CWF19L2: variants seen among roughly 807,000 people sequenced by gnomAD.
The protein encoded by CWF19L2 is CWF19 like cell cycle control factor 2.
A neutral mutation model predicts 111.7 loss-of-function variants in CWF19L2; 98 were observed. The observed-to-expected ratio is 0.88, with a 90% CI of 0.75 to 1.04. The LOEUF (loss-of-function observed/expected upper bound fraction) is 1.04, where lower values mean the gene tolerates loss of function less well. Ranked by LOEUF, CWF19L2 falls within the 50% of genes least tolerant of loss-of-function variation. The pLI, the probability that CWF19L2 is intolerant of heterozygous loss-of-function variation, is 0.00. For synonymous variants in CWF19L2, 351 were observed against 342.9 expected (o/e 1.02, Z -0.26); for missense variants, 1,101 against 1,051.4 (o/e 1.05, Z -0.65).
intron 3 of CWF19L2, among the ~76,000 whole-genome samples, chr11:107,449,280 A>C (rs1415024207): frequency 6.6e-6 from 1 of 152,122 alleles, no homozygotes; most frequent in Non-Finnish European, 1.5e-5. Context: ...GAAATTTTCA[A>C]ACAAAAGCTG....
intron 9 of CWF19L2, among the ~76,000 whole-genome samples, chr11:107,417,966 G>T (rs1400025525): frequency 1.3e-5 from 2 of 152,036 alleles, no homozygotes; most frequent in African/African-American, 4.8e-5. Flanking sequence ...CACCATTTTG[G>T]CCAGGCTGGT....
intron 8 of CWF19L2, among the ~76,000 whole-genome samples, 178 bp from the exon 9 acceptor site, chr11:107,418,465 TG>T (rs1213262107): frequency 1.3e-5 from 2 of 152,234 alleles, no homozygotes; most frequent in Non-Finnish European, 2.9e-5. Flanking sequence ...TAAAGTTCTC[TG>T]TTACAATGCC....
chr11:107,386,653 C>A (rs1436441239), intron 12 of CWF19L2, among the ~76,000 whole-genome samples: 1 of 152,198 alleles, frequency 6.6e-6, no homozygotes, highest in Admixed American at 6.5e-5. Context: ...GCCTCACTGG[C>A]TGCACTTCTT....
chr11:107,381,474 C>T (rs1000343533), intron 12 of CWF19L2, among the ~76,000 whole-genome samples: 7 of 152,088 alleles, frequency 4.6e-5, no homozygotes, highest in Admixed American at 1.3e-4. Context: ...CAAAATATCA[C>T]GTTATTATTT....
At chr11:107,446,024 A>G (rs1469305567) in intron 3 of CWF19L2, among the ~76,000 whole-genome samples, 1 of 152,234 alleles carries the variant, frequency 6.6e-6, no homozygotes, top group Non-Finnish European at 1.5e-5. Flanking sequence ...GGATGATGGA[A>G]AAGCAAGACA....
chr11:107,359,383 T>A (rs902603657), intron 12 of CWF19L2, among the ~76,000 whole-genome samples: 3 of 152,180 alleles, frequency 2.0e-5, no homozygotes, highest in Admixed American at 6.5e-5. Flanking sequence ...GAAGATGTAA[T>A]TACAAGTACC....
At chr11:107,327,768 T>A (rs1249176402) in intron 17 of CWF19L2, among the ~76,000 whole-genome samples, 1 of 152,080 alleles carries the variant, frequency 6.6e-6, no homozygotes, top group East Asian at 1.9e-4. Context: ...AGCCTCCTAA[T>A]GCTTAAATGC....
chr11:107,336,654 C>A lies in CWF19L2; in HGVS notation c.2262G>T (p.Leu754Phe). ...GTTTCTTCATGCTCATATTAGTTTC[C>A]AAAAAAATGCAGTCTAATCCTTTAT... ...FEDKGLDCIF[L>F]ETNMSMKKQY... The change falls in exon 15 of 18, where the codon TTG (leucine) becomes TTT (phenylalanine). Residue 754 changes from leucine to phenylalanine, a missense_variant. Transcript: ENST00000282251. 6.3e-7 allele frequency: 1 copy of A among 1,582,828 alleles called. No homozygotes were observed. The highest frequency in any genetic ancestry group is 1.4e-5 in the African/African-American group (1 of 73,314).
Position 107,454,510 on chromosome 11 carries a change from CTT to C in CWF19L2, c.277_278del (p.Lys93GlufsTer10). ...DKHSKKAKKE[K>X]KKKSKKQKYE... ...ATTTCTGTTTCTTGCTCTTTTTTTT[CTT>C]TTCTTTCTTTGCTTTTTTTGAATGC... On this transcript the variant is annotated frameshift_variant, in exon 3 of 18. Transcript: ENST00000282251. LOFTEE classifies it high-confidence loss of function. 6.8e-7 allele frequency: 1 copy of C among 1,463,888 alleles called. No homozygotes were observed. The highest frequency in any genetic ancestry group is 9.0e-7 in the Non-Finnish European group (1 of 1,111,444). The allele number at this position is 1,463,888 out of a possible 1,614,324, so 90.7% of individuals were successfully genotyped here. A position where few individuals can be genotyped will look rare whatever the true frequency, so the allele number is the denominator to read the frequency against.
chr11:107,423,733 TCTC>T (rs958240002), intron 8 of CWF19L2, among the ~76,000 whole-genome samples: 3 of 151,746 alleles, frequency 2.0e-5, no homozygotes, highest in African/African-American at 7.3e-5. Flanking sequence ...CCACACATAA[TCTC>T]CTATTGAGCT....
chr11:107,385,610 C>T (rs562365812), intron 12 of CWF19L2, among the ~76,000 whole-genome samples: 1 of 152,318 alleles, frequency 6.6e-6, no homozygotes, highest in East Asian at 1.9e-4. Context: ...CCCCCCTTTA[C>T]CTGTGGTTTT....
intron 12 of CWF19L2, among the ~76,000 whole-genome samples, chr11:107,361,102 T>C (rs1440292641): frequency 6.6e-6 from 1 of 152,220 alleles, no homozygotes; most frequent in Non-Finnish European, 1.5e-5. Flanking sequence ...TGTAAGTCTT[T>C]AATCCATCTT....
At chr11:107,350,727 T>C (rs1446263552) in intron 13 of CWF19L2, among the ~76,000 whole-genome samples, 1 of 152,014 alleles carries the variant, frequency 6.6e-6, no homozygotes, top group Non-Finnish European at 1.5e-5. Context: ...CAGATGGTGA[T>C]AAGGGGTACT....
intron 12 of CWF19L2, among the ~76,000 whole-genome samples, chr11:107,381,473 A>T (rs554783828): frequency 6.6e-6 from 1 of 152,290 alleles, no homozygotes; most frequent in South Asian, 2.1e-4. Context: ...GCAAAATATC[A>T]CGTTATTATT....
chr11:107,396,113 T>C (rs956959367), intron 10 of CWF19L2, among the ~76,000 whole-genome samples: 2 of 152,214 alleles, frequency 1.3e-5, no homozygotes, highest in African/African-American at 4.8e-5. Flanking sequence ...TCTAACCACC[T>C]ACATGGCATT....
At position 107,429,192 on chromosome 11, in the gene CWF19L2, C is replaced by G. The variant is rs760365007; in HGVS notation, c.1040G>C (p.Cys347Ser). Residue 347 changes from cysteine to serine, a missense_variant, in exon 8 of 18, where the codon TGT (cysteine) becomes TCT (serine). Coordinates refer to ENST00000282251, the MANE Select transcript of CWF19L2 (RefSeq NM_152434.3). ...TTGCCTTGGGTTAGATTCTCTTCTA[C>G]ACGTTTCTAAAGACCCAGGTCTCTT... Reference protein sequence around the residue: ...KDKRPGSLETCRRESNPRQNQ... With the variant: ...KDKRPGSLETSRRESNPRQNQ... 5 of 1,613,800 alleles carry G rather than the reference C, an allele frequency of 3.1e-6. No individual in the cohort carries two copies. In the Admixed American group the frequency reaches 8.3e-5, roughly 27 times the overall value.
At chr11:107,390,839 G>C (rs1860836622) in intron 11 of CWF19L2, among the ~76,000 whole-genome samples, 2 of 152,134 alleles carry the variant, frequency 1.3e-5, no homozygotes, top group African/African-American at 4.8e-5. Context: ...GTTGCTAAAG[G>C]AGATTAACAT....
intron 3 of CWF19L2, among the ~76,000 whole-genome samples, chr11:107,443,250 G>A (rs1349989766): frequency 6.6e-6 from 1 of 152,152 alleles, no homozygotes; most frequent in Non-Finnish European, 1.5e-5. Flanking sequence ...GGAGGCTGAG[G>A]CAGGCATATT....
intron 12 of CWF19L2, among the ~76,000 whole-genome samples, chr11:107,382,775 C>G (rs1565262073): frequency 6.6e-6 from 1 of 152,236 alleles, no homozygotes; most frequent in East Asian, 1.9e-4. Flanking sequence ...AGAGGCAGGC[C>G]TCAGGAAACA....
Sources: allele counts gnomAD v4.1 joint callset (sites outside exome capture counted in the v4.1 genomes callset), GRCh38; gene constraint gnomAD v4.1.1; transcripts MANE v1.5; gene names NCBI Gene and HGNC (gene_info 2026-07-23, HGNC 2026-07-21).